Variants in SULT2B1 observed in about 807,000 individuals in gnomAD.
SULT2B1 encodes sulfotransferase family 2B member 1.
Under a neutral mutation model 33.2 loss-of-function variants are expected in SULT2B1, and 16 were observed. The ratio of observed to expected loss-of-function variants is 0.48; its 90% CI spans 0.33 to 0.73. The LOEUF (loss-of-function observed/expected upper bound fraction) is 0.73, where lower values mean the gene tolerates loss of function less well. Among genes scored for constraint, SULT2B1 ranks in the 30% least tolerant of loss-of-function variants. The probability of loss-of-function intolerance (pLI) is 0.02; values close to 1 mark genes in which losing one functional copy is unlikely to be tolerated. For missense variants in SULT2B1, 500 were observed against 506.0 expected (o/e 0.99, Z 0.11); for synonymous variants, 186 against 200.5 (o/e 0.93, Z 0.61).
chr19:48,596,662 A>T, intron 5 of SULT2B1, 77 bp from the exon 6 acceptor site: 1 of 1,445,542 alleles, frequency 6.9e-7, no homozygotes, highest in Non-Finnish European at 9.2e-7. Flanking sequence ...TAGGACCCAG[A>T]CATGCGGATC....
At position 48,587,274 on chromosome 19, in the gene SULT2B1, G is replaced by A; in HGVS notation, c.260G>A (p.Gly87Glu). Residue 87 changes from glycine (G) to glutamate (E), a missense_variant, in exon 3 of 7, where the codon GGG becomes GAG. Gly to Glu is a moderately conservative substitution (Grantham distance 98). Transcript: ENST00000201586. ...ATCATCTGCTTAATCCTGAAGGAAG[G>A]GGATCCATCCTGGATCCGCTCCGTG... ...IEIICLILKE[G>E]DPSWIRSVPI... 6.2e-7 allele frequency: 1 copy of A among 1,613,682 alleles called. No homozygotes were observed. Among genetic ancestry groups the A allele is most frequent in the Non-Finnish European group, 8.5e-7 (1 of 1,179,868 alleles).
At chr19:48,584,357 G>A (rs1473510682) in intron 2 of SULT2B1, among the ~76,000 whole-genome samples, 4 of 152,182 alleles carry the variant, frequency 2.6e-5, no homozygotes, top group Non-Finnish European at 5.9e-5. Flanking sequence ...ACGTCACTGC[G>A]TGTCTAGTGC....
chr19:48,562,574 TAAA>T (rs965513623), intron 1 of SULT2B1, among the ~76,000 whole-genome samples: 2 of 152,032 alleles, frequency 1.3e-5, no homozygotes, highest in African/African-American at 4.8e-5. Context: ...TAAATAGAAA[TAAA>T]AAATCATATG....
At chr19:48,569,373 T>A (rs1387343577) in intron 1 of SULT2B1, among the ~76,000 whole-genome samples, 428 of 15,000 alleles carry the variant, frequency 0.029, 2 homozygotes, top group South Asian at 0.11. Flanking sequence ...CATATATATA[T>A]ATATATATAT....
intron 1 of SULT2B1, among the ~76,000 whole-genome samples, chr19:48,574,319 AC>A (rs1362734901): frequency 6.6e-6 from 1 of 152,204 alleles, no homozygotes; most frequent in Non-Finnish European, 1.5e-5. Flanking sequence ...CTGGTTGAAC[AC>A]CAACAAGTCC....
intron 2 of SULT2B1, among the ~76,000 whole-genome samples, chr19:48,576,784 G>A (rs919432936): frequency 1.3e-5 from 2 of 151,088 alleles, no homozygotes; most frequent in Non-Finnish European, 2.9e-5. Context: ...GGAACCACAC[G>A]TGTGCACCAC....
At chr19:48,569,401 A>G (rs1223801338) in intron 1 of SULT2B1, among the ~76,000 whole-genome samples, 3 of 97,248 alleles carry the variant, frequency 3.1e-5, no homozygotes, top group East Asian at 4.0e-4. Context: ...TATATATATG[A>G]TAAATTTTAG....
chr19:48,587,625 C>T (rs1255441599), intron 3 of SULT2B1, among the ~76,000 whole-genome samples, 188 bp downstream of exon 3: 4 of 152,142 alleles, frequency 2.6e-5, no homozygotes, highest in South Asian at 2.1e-4. Flanking sequence ...GGAGTGATGG[C>T]TCATGCCTGT....
intron 3 of SULT2B1, among the ~76,000 whole-genome samples, chr19:48,589,889 G>GT (rs2147624561): frequency 6.6e-6 from 1 of 152,360 alleles, no homozygotes; most frequent in East Asian, 1.9e-4. Context: ...GAGCCTGGGA[G>GT]TTTCAGGCTG....
At chr19:48,555,877 T>C (rs894121625) in intron 1 of SULT2B1, among the ~76,000 whole-genome samples, 2 of 152,020 alleles carry the variant, frequency 1.3e-5, no homozygotes, top group African/African-American at 4.8e-5. Context: ...GTAGCTGGGA[T>C]TACAGGCACA....
intron 1 of SULT2B1, among the ~76,000 whole-genome samples, chr19:48,569,224 C>A (rs1265001112): frequency 6.6e-6 from 1 of 151,402 alleles, no homozygotes. Flanking sequence ...CGCCTGTAGT[C>A]CCAGCTACTC....
intron 2 of SULT2B1, among the ~76,000 whole-genome samples, chr19:48,583,688 C>T (rs761917872): frequency 1.3e-5 from 2 of 152,058 alleles, no homozygotes; most frequent in African/African-American, 2.4e-5. Flanking sequence ...CCTGGTGGTG[C>T]GCGCCTGTAG....
chr19:48,571,211 A>ATTTATTTATTTATTTATTTATTTAT (rs36014830), intron 1 of SULT2B1, among the ~76,000 whole-genome samples: 11 of 144,366 alleles, frequency 7.6e-5, no homozygotes, highest in African/African-American at 2.6e-4. Context: ...TTATTTATTT[A>ATTTATTTATTTATTTATTTATTTAT]TTTTGAGATG....
intron 3 of SULT2B1, among the ~76,000 whole-genome samples, chr19:48,589,385 T>G (rs1186567817): frequency 6.6e-6 from 1 of 152,028 alleles, no homozygotes; most frequent in African/African-American, 2.4e-5. Flanking sequence ...CAGCAGAGGC[T>G]GCCGGTGGGC....
At chr19:48,569,813 T>G (rs1339378165) in intron 1 of SULT2B1, among the ~76,000 whole-genome samples, 1 of 151,836 alleles carries the variant, frequency 6.6e-6, no homozygotes, top group Non-Finnish European at 1.5e-5. Flanking sequence ...ATTATAAGCA[T>G]GCGCCACCAC....
In SULT2B1 at chr19:48,599,381, A is replaced by C; in HGVS notation, c.1073A>C (p.Glu358Ala). Residue 358 changes from glutamate to alanine, a missense_variant, in exon 7 of 7, where the codon GAG becomes GCG. By Grantham distance (107) the Glu-to-Ala change is moderately radical. Transcript: ENST00000201586. The surrounding 1 kb of genome is among the most constrained non-coding windows in gnomAD (Gnocchi z 4.1). ...SPSPSPGQASETPHPRPS is the reference protein window; with the variant it reads ...SPSPSPGQASATPHPRPS ...AGCCCCAGCCCCGGCCAGGCCTCTG[A>C]GACCCCGCACCCACGACCCTCATAA... 1 of 1,559,160 alleles carries C rather than the reference A, an allele frequency of 6.4e-7. No homozygotes were observed. The highest frequency in any genetic ancestry group is 8.7e-7 in the Non-Finnish European group (1 of 1,151,738).
At position 48,573,573 on chromosome 19, in the gene SULT2B1, C is replaced by T. The variant is rs8109498; in HGVS notation, c.72-2368C>T. ...GCTCAGGCCCAGAGAGTGGCAGGGTCGGGGGACATTTCCAGGAGCGGGAAC... is the reference window on the plus strand; with the variant it reads ...GCTCAGGCCCAGAGAGTGGCAGGGTTGGGGGACATTTCCAGGAGCGGGAAC... On this transcript the variant is annotated intron_variant, in intron 1 of 6. Coordinates refer to ENST00000201586, the MANE Select transcript of SULT2B1 (RefSeq NM_177973.2). 1.6e-3 allele frequency among the ~76,000 whole-genome samples: 243 copies of T among 151,922 alleles called. 1 individual carries two copies. The highest frequency in any genetic ancestry group is 5.6e-3 in the African/African-American group (232 of 41,464).
chr19:48,566,140 G>T (rs750333918), intron 1 of SULT2B1, among the ~76,000 whole-genome samples: 6 of 151,884 alleles, frequency 4.0e-5, no homozygotes, highest in Non-Finnish European at 8.8e-5. Flanking sequence ...TCAAACTCCT[G>T]GTGTCGAACT....
intron 3 of SULT2B1, among the ~76,000 whole-genome samples, chr19:48,588,582 A>G (rs777133593): frequency 2.7e-4 from 40 of 149,530 alleles, no homozygotes; most frequent in Admixed American, 8.1e-4. Flanking sequence ...TACTTTAATT[A>G]TATTTAATAT....
Sources: gnomAD v4.1 joint callset for allele counts (sites outside exome capture counted in the v4.1 genomes callset) on GRCh38, gnomAD v4.1.1 for gene constraint, Gnocchi (gnomAD v3.1) non-coding constraint, MANE v1.5 for transcripts, NCBI Gene and HGNC (gene_info 2026-07-23, HGNC 2026-07-21) for gene names.